ATG7: variants seen among roughly 807,000 people sequenced by gnomAD.
ATG7 encodes the protein autophagy related 7, also known as ubiquitin-like modifier-activating enzyme ATG7.
Under a neutral mutation model 82.4 loss-of-function variants are expected in ATG7, and 70 were observed. The observed-to-expected ratio is 0.85, with a 90% CI of 0.70 to 1.04. The LOEUF (loss-of-function observed/expected upper bound fraction) is 1.04, where lower values mean the gene tolerates loss of function less well. Among genes scored for constraint, ATG7 ranks in the 50% least tolerant of loss-of-function variants. The pLI, the probability that ATG7 is intolerant of heterozygous loss-of-function variation, is 0.00. For synonymous variants in ATG7, 287 were observed against 313.0 expected (o/e 0.92, Z 0.88); for missense variants, 792 against 864.3 (o/e 0.92, Z 1.05).
At chr3:11,438,195 G>T (rs2083538262) in intron 20 of ATG7, among the ~76,000 whole-genome samples, 1 of 152,122 alleles carries the variant, frequency 6.6e-6, no homozygotes, top group Non-Finnish European at 1.5e-5. Flanking sequence ...TCTTCTCTGG[G>T]TGTCACCAGG....
chr3:11,420,746 C>G (rs929474273), intron 19 of ATG7, among the ~76,000 whole-genome samples: 1 of 145,356 alleles, frequency 6.9e-6, no homozygotes, highest in Non-Finnish European at 1.5e-5. Flanking sequence ...TTAAGTAATA[C>G]AAAATACTTT....
intron 20 of ATG7, 95 bp from the exon 21 acceptor site, chr3:11,554,716 G>A: frequency 6.9e-7 from 1 of 1,446,592 alleles, no homozygotes; most frequent in Non-Finnish European, 9.5e-7. Context: ...TTCTGCAGGT[G>A]GGAGCTGCCA....
intron 19 of ATG7, among the ~76,000 whole-genome samples, chr3:11,410,662 T>G (rs1228294585): frequency 6.6e-6 from 1 of 152,224 alleles, no homozygotes; most frequent in Non-Finnish European, 1.5e-5. Flanking sequence ...ACATTATTTG[T>G]CTTTTTGTGA....
chr3:11,288,503 C>A (rs920873611), intron 3 of ATG7: 2 of 152,142 alleles, frequency 1.3e-5, no homozygotes, highest in Non-Finnish European at 2.9e-5. Context: ...TCTTTGTCTT[C>A]TTGCCATTGG....
intron 1 of ATG7, among the ~76,000 whole-genome samples, chr3:11,277,896 C>CCA (rs1942196367): frequency 7.8e-6 from 1 of 128,110 alleles, no homozygotes; most frequent in African/African-American, 2.9e-5. Flanking sequence ...TATAGACCCC[C>CCA]CCCCCCCCAC....
intron 9 of ATG7, among the ~76,000 whole-genome samples, chr3:11,326,784 A>G (rs994863092): frequency 6.6e-6 from 1 of 152,198 alleles, no homozygotes; most frequent in Non-Finnish European, 1.5e-5. Flanking sequence ...CAAGGAAGAC[A>G]ACTTCTTAAT....
At chr3:11,429,343 A>G (rs1168956385) in intron 20 of ATG7, among the ~76,000 whole-genome samples, 1 of 151,990 alleles carries the variant, frequency 6.6e-6, no homozygotes, top group Non-Finnish European at 1.5e-5. Context: ...TAAAAATGCA[A>G]AAATTAGTCG....
At chr3:11,493,618 T>C (rs577117585) in intron 20 of ATG7, among the ~76,000 whole-genome samples, 1 of 152,012 alleles carries the variant, frequency 6.6e-6, no homozygotes, top group Admixed American at 6.6e-5. Flanking sequence ...CCAGGATGAG[T>C]AGTAAAATCA....
intron 1 of ATG7, among the ~76,000 whole-genome samples, chr3:11,273,482 G>C (rs1281973402): frequency 6.6e-6 from 1 of 152,148 alleles, no homozygotes; most frequent in South Asian, 2.1e-4. Context: ...ATCATTGAAA[G>C]CTGCTAGTTT....
intron 7 of ATG7, among the ~76,000 whole-genome samples, chr3:11,311,312 C>T (rs778576499): frequency 5.3e-5 from 8 of 152,022 alleles, no homozygotes; most frequent in Middle Eastern, 3.4e-3. Flanking sequence ...TCTTAGAATT[C>T]GTGAGGTCCG....
intron 18 of ATG7, among the ~76,000 whole-genome samples, chr3:11,375,156 C>A (rs929611442): frequency 6.6e-6 from 1 of 151,332 alleles, no homozygotes; most frequent in Non-Finnish European, 1.5e-5. Context: ...TAGAGTAAGC[C>A]GAGATCACAC....
rs1241667226 is a variant in ATG7 at position 11,557,129 on chromosome 3, G to C, written c.*2286G>C. 6.6e-6 allele frequency: 1 copy of C among 152,590 alleles called. No individual in the cohort carries two copies. The highest frequency in any genetic ancestry group is 1.5e-5 in the Non-Finnish European group (1 of 68,048). The allele number at this position is 152,590 out of a possible 1,614,324, so 9.5% of individuals were successfully genotyped here. ...CAGGTGGGACACAGCACACCCCAGG[G>C]GGAGGGGATAGAAACGCTCATTGAC... is the stretch of plus-strand genomic sequence containing the variant. On this transcript the variant is annotated 3_prime_UTR_variant, in exon 21 of 21. Coordinates refer to ENST00000693202, the MANE Select transcript of ATG7 (RefSeq NM_001349232.2).
chr3:11,450,938 A>G (rs1356201406), intron 20 of ATG7, among the ~76,000 whole-genome samples: 3 of 152,206 alleles, frequency 2.0e-5, no homozygotes, highest in African/African-American at 7.2e-5. Flanking sequence ...TACTAATTTC[A>G]TCCTCCAAGG....
chr3:11,418,567 A>G (rs777994380), intron 19 of ATG7, among the ~76,000 whole-genome samples: 1 of 152,186 alleles, frequency 6.6e-6, no homozygotes, highest in Non-Finnish European at 1.5e-5. Flanking sequence ...TGGAGTTTTT[A>G]TCACTGGGGC....
At chr3:11,501,901 G>A (rs1025380436) in intron 20 of ATG7, among the ~76,000 whole-genome samples, 4 of 152,082 alleles carry the variant, frequency 2.6e-5, no homozygotes, top group Non-Finnish European at 5.9e-5. Context: ...TGTTGGCCAG[G>A]CTGGTCTAGA....
intron 18 of ATG7, among the ~76,000 whole-genome samples, chr3:11,371,185 A>G (rs2076971532): frequency 6.6e-6 from 1 of 151,162 alleles, no homozygotes; most frequent in Non-Finnish European, 1.5e-5. Context: ...ATTCAAGGAC[A>G]TGCCTTCCTG....
intron 19 of ATG7, 49 bp downstream of exon 19, chr3:11,380,101 A>C: frequency 6.4e-7 from 1 of 1,569,296 alleles, no homozygotes; most frequent in Non-Finnish European, 8.8e-7. Context: ...TGAGCGGGTC[A>C]GCATTTGACC....
Position 11,474,595 on chromosome 3 carries a change from A to G in ATG7, c.2079+47669A>G, listed in dbSNP as rs553201261. ...AACCTGGGTGACAGAGTAAGCCCCT[A>G]TCTCCCCATCTCAAAAAAAGAAAGA... On this transcript the variant is annotated intron_variant, in intron 20 of 20. Transcript: ENST00000693202. Among the ~76,000 whole-genome samples, 4 of 152,268 alleles carry G rather than the reference A, an allele frequency of 2.6e-5. No homozygotes were observed. The South Asian group carries it at 6.2e-4, about 24-fold the overall frequency.
chr3:11,332,512 A>G (rs1048418447), intron 10 of ATG7, among the ~76,000 whole-genome samples: 4 of 152,190 alleles, frequency 2.6e-5, no homozygotes, highest in Non-Finnish European at 5.9e-5. Flanking sequence ...GAGGGAGACA[A>G]TCTACAATTA....
Sources: gnomAD v4.1 joint callset for allele counts (sites outside exome capture counted in the v4.1 genomes callset) on GRCh38, gnomAD v4.1.1 for gene constraint, MANE v1.5 for transcripts, NCBI Gene and HGNC (gene_info 2026-07-23, HGNC 2026-07-21) for gene names.